Variants in CASP9 observed in about 807,000 individuals in gnomAD.
CASP9 encodes caspase-9.
In CASP9, 29 loss-of-function variants were observed where a neutral mutation model predicts 43.5. The observed-to-expected ratio is 0.67, with a 90% CI of 0.50 to 0.91. The LOEUF is 0.91. Among genes scored for constraint, CASP9 ranks in the 40% least tolerant of loss-of-function variants. The probability of loss-of-function intolerance (pLI) is 0.00; values close to 1 mark genes in which losing one functional copy is unlikely to be tolerated. For synonymous variants in CASP9, 206 were observed against 211.9 expected (o/e 0.97, Z 0.24); for missense variants, 575 against 537.4 (o/e 1.07, Z -0.69).
chr1:15,524,617 C>G, upstream of CASP9: 8 of 1,032,946 alleles, frequency 7.7e-6, no homozygotes, highest in Non-Finnish European at 9.4e-6. Context: ...GTTACCGTCC[C>G]GCCCGCAGGA....
At chr1:15,523,054 G>A (rs1460969959) in intron 1 of CASP9, among the ~76,000 whole-genome samples, 1 of 152,240 alleles carries the variant, frequency 6.6e-6, no homozygotes, top group Non-Finnish European at 1.5e-5. Context: ...CCTCATGGTA[G>A]GAAATATCTC....
Position 15,506,057 on chromosome 1 carries a change from T to TCCAGCAAAGCCAGCA in CASP9, c.638_652dup (p.Val213_Leu217dup). On this transcript the variant is annotated inframe_insertion, in exon 5 of 9. Transcript: ENST00000333868. ...AGCACCGTGGTCCTGCTGCGCCAGC[T>TCCAGCAAAGCCAGCA]CCAGCAAAGCCAGCACCATTTTCTA... The TCCAGCAAAGCCAGCA allele has an allele frequency of 6.2e-7, 1 of 1,613,750 alleles. No homozygotes were observed. The highest frequency in any genetic ancestry group is 8.5e-7 in the Non-Finnish European group (1 of 1,179,750).
At chr1:15,510,850 C>A (rs908512407) in intron 2 of CASP9, among the ~76,000 whole-genome samples, 2 of 152,106 alleles carry the variant, frequency 1.3e-5, no homozygotes, top group Admixed American at 1.3e-4. Flanking sequence ...AATCAGTCTT[C>A]CAGCCTGAGT....
intron 2 of CASP9, 80 bp downstream of exon 2, chr1:15,518,030 A>G (rs1352442039): frequency 1.4e-6 from 2 of 1,455,450 alleles, no homozygotes; most frequent in African/African-American, 1.4e-5. Flanking sequence ...TCTGAATCTC[A>G]GCCCACCCAG....
intron 7 of CASP9, among the ~76,000 whole-genome samples, chr1:15,494,862 CAAAAAAAAA>C (rs563954013): frequency 6.8e-5 from 3 of 44,272 alleles, no homozygotes; most frequent in African/African-American, 1.4e-4. Flanking sequence ...GATTCCATCT[CAAAAAAAAA>C]AAAAAAAAAA....
At chr1:15,499,538 C>T (rs1259940994) in intron 6 of CASP9, among the ~76,000 whole-genome samples, 1 of 152,212 alleles carries the variant, frequency 6.6e-6, no homozygotes, top group East Asian at 1.9e-4. Flanking sequence ...GATGTTTACA[C>T]CTTCTAATCC....
At chr1:15,518,573 G>A (rs1057313532) in intron 1 of CASP9, among the ~76,000 whole-genome samples, 178 bp from the exon 2 acceptor site, 1 of 152,178 alleles carries the variant, frequency 6.6e-6, no homozygotes, top group South Asian at 2.1e-4. Flanking sequence ...TTATTTTGCA[G>A]GGCAAAAGAT....
chr1:15,504,861 C>G lies in CASP9; in HGVS notation c.721-103G>C, dbSNP rs1357982735. On this transcript the variant is annotated intron_variant, in intron 5 of 8. Transcript: ENST00000333868. ...GAGCCAAGGATTTGGAAGGTCAAAGCCAGGGGCACGAGGCTGATTGAGACA... is the reference window on the plus strand; with the variant it reads ...GAGCCAAGGATTTGGAAGGTCAAAGGCAGGGGCACGAGGCTGATTGAGACA... 2.6e-6 allele frequency: 3 copies of G among 1,171,100 alleles called. No individual in the cohort carries two copies. In the East Asian group the frequency reaches 7.1e-5, roughly 28 times the overall value. The allele number at this position is 1,171,100 out of a possible 1,614,324, so 72.5% of individuals were successfully genotyped here. A position where few individuals can be genotyped will look rare whatever the true frequency, so the allele number is the denominator to read the frequency against.
intron 2 of CASP9, among the ~76,000 whole-genome samples, chr1:15,517,834 A>T (rs1466472715): frequency 6.6e-6 from 1 of 152,058 alleles, no homozygotes; most frequent in East Asian, 1.9e-4. Context: ...CATTGATCAA[A>T]ACCTGGGGCC....
At chr1:15,499,170 C>G (rs1709229131) in intron 6 of CASP9, among the ~76,000 whole-genome samples, 3 of 152,324 alleles carry the variant, frequency 2.0e-5, no homozygotes, top group East Asian at 3.9e-4. Context: ...TCCCCCCAGA[C>G]AGAGGCTGAC....
intron 6 of CASP9, among the ~76,000 whole-genome samples, chr1:15,497,763 C>A (rs867429395): frequency 2.0e-5 from 3 of 152,092 alleles, no homozygotes; most frequent in Non-Finnish European, 4.4e-5. Context: ...CCTATCAAAA[C>A]CCCAATGATG....
chr1:15,509,422 C>T (rs1709649470), intron 2 of CASP9, among the ~76,000 whole-genome samples: 1 of 148,466 alleles, frequency 6.7e-6, no homozygotes, highest in Non-Finnish European at 1.5e-5. Flanking sequence ...CGAGACTAGC[C>T]TGGCCAACGT....
intron 2 of CASP9, among the ~76,000 whole-genome samples, chr1:15,511,934 A>G (rs4646026): frequency 9.1e-4 from 138 of 152,296 alleles, no homozygotes; most frequent in African/African-American, 3.2e-3. Context: ...AAGGAAGCAG[A>G]GCTGACCAAC....
intron 1 of CASP9, among the ~76,000 whole-genome samples, chr1:15,520,940 G>A (rs971412805): frequency 3.3e-5 from 5 of 151,914 alleles, no homozygotes; most frequent in Admixed American, 6.6e-5. Context: ...GGCAGATCAC[G>A]AGGTCAGGAG....
chr1:15,506,841 A>G (rs1709541809), intron 4 of CASP9, 58 bp downstream of exon 4: 10 of 1,465,162 alleles, frequency 6.8e-6, no homozygotes, highest in Non-Finnish European at 9.4e-6. Flanking sequence ...GTCCCTCAAA[A>G]GATACTTCCC....
At chr1:15,505,869 C>T in intron 5 of CASP9, 121 bp downstream of exon 5, 1 of 807,596 alleles carries the variant, frequency 1.2e-6, no homozygotes, top group Non-Finnish European at 2.1e-6. Flanking sequence ...GGCAGGGCCC[C>T]ACAGCCCTTT....
In CASP9 at chr1:15,491,559, A is replaced by G. The variant is rs1377954951; in HGVS notation, c.*1384T>C. 2.0e-6 allele frequency: 1 copy of G among 493,504 alleles called. No individual in the cohort carries two copies. Among genetic ancestry groups the G allele is most frequent in the Non-Finnish European group, 3.7e-6 (1 of 273,304 alleles). The allele number at this position is 493,504 out of a possible 1,614,324, so 30.6% of individuals were successfully genotyped here. A position where few individuals can be genotyped will look rare whatever the true frequency, so the allele number is the denominator to read the frequency against. On this transcript the variant is annotated 3_prime_UTR_variant, in exon 9 of 9. Transcript: ENST00000333868. The stretch of plus-strand genomic sequence containing the variant: ...GATCGCTTGAGTCCAGGAGTTCAAG[A>G]CCAGCCTGAGTAACATGGCATAACT...
intron 7 of CASP9, among the ~76,000 whole-genome samples, chr1:15,494,597 C>T (rs999667458): frequency 6.7e-6 from 1 of 148,480 alleles, no homozygotes; most frequent in Non-Finnish European, 1.5e-5. Flanking sequence ...GGCGCGGTGG[C>T]TCACGCCTGT....
intron 2 of CASP9, among the ~76,000 whole-genome samples, chr1:15,514,739 C>T (rs1709887350): frequency 1.3e-5 from 2 of 152,224 alleles, no homozygotes; most frequent in Admixed American, 6.5e-5. Context: ...GCCGTGCTGG[C>T]TCATACCTAT....
Sources: gnomAD v4.1 joint callset for allele counts (sites outside exome capture counted in the v4.1 genomes callset) on GRCh38, gnomAD v4.1.1 for gene constraint, MANE v1.5 for transcripts, NCBI Gene and HGNC (gene_info 2026-07-23, HGNC 2026-07-21) for gene names.